The following SLC24A2 variants were observed in gnomAD, a reference collection of about 807,000 sequenced individuals.
The protein encoded by SLC24A2 is sodium/potassium/calcium exchanger 2.
SLC24A2 carries 36 observed loss-of-function variants against 62.0 expected under a neutral mutation model. That is an observed-to-expected ratio of 0.58 (90% CI 0.44 to 0.77). The LOEUF (loss-of-function observed/expected upper bound fraction) is 0.77. Among genes scored for constraint, SLC24A2 ranks in the 30% least tolerant of loss-of-function variants. The pLI is 0.00. For synonymous variants in SLC24A2, 358 were observed against 294.0 expected, an observed-to-expected ratio of 1.22 and a Z score of -2.23; for missense variants, 846 against 817.9, an observed-to-expected ratio of 1.03 and a Z score of -0.42.
chr9:19,934,569 C>T, the SLC24A2 span, among the ~76,000 whole-genome samples: 4 of 152,216 alleles, frequency 2.6e-5, no homozygotes, highest in Non-Finnish European at 5.9e-5. The surrounding 1 kb of genome is among the most constrained non-coding windows in gnomAD (Gnocchi z 4.1). Context: ...GCCTCCTGCG[C>T]TGCCTGCCAG....
the SLC24A2 span, among the ~76,000 whole-genome samples, chr9:19,903,464 A>T: frequency 1.3e-5 from 2 of 152,200 alleles, no homozygotes; most frequent in Non-Finnish European, 2.9e-5. Context: ...TTGGGGATTA[A>T]GGCTTTGGAA....
At chr9:20,167,604 C>T in the SLC24A2 span, among the ~76,000 whole-genome samples, 37,019 of 151,926 alleles carry the variant, frequency 0.24, 5,586 homozygotes, top group African/African-American at 0.43. Context: ...GGATCAGTGT[C>T]CCTTGGACAA....
At chr9:19,574,561 C>A (rs1219810574) in intron 6 of SLC24A2, among the ~76,000 whole-genome samples, 1 of 151,022 alleles carries the variant, frequency 6.6e-6, no homozygotes, top group East Asian at 1.9e-4. Context: ...CTACCACTAA[C>A]AACAACAATA....
the SLC24A2 span, among the ~76,000 whole-genome samples, chr9:20,082,946 CTG>C: frequency 6.6e-6 from 1 of 152,234 alleles, no homozygotes; most frequent in African/African-American, 2.4e-5. Context: ...CTGAATTATT[CTG>C]TGTCTCAATA....
At chr9:19,541,984 C>A (rs1834287393) in intron 8 of SLC24A2, among the ~76,000 whole-genome samples, 1 of 152,222 alleles carries the variant, frequency 6.6e-6, no homozygotes. Context: ...TGCCGTCTGT[C>A]ACCCCTTTCT....
the SLC24A2 span, among the ~76,000 whole-genome samples, chr9:20,218,349 T>G: frequency 6.6e-6 from 1 of 152,200 alleles, no homozygotes; most frequent in Non-Finnish European, 1.5e-5. Context: ...ATTAGACTTT[T>G]CTGTTCTAGC....
chr9:19,564,559 T>C (rs1028899719), intron 7 of SLC24A2, among the ~76,000 whole-genome samples: 8 of 152,112 alleles, frequency 5.3e-5, no homozygotes, highest in African/African-American at 1.7e-4. Context: ...TGTCTATCAA[T>C]CAATCACATT....
the SLC24A2 span, among the ~76,000 whole-genome samples, chr9:20,059,610 A>T: frequency 6.6e-6 from 1 of 152,180 alleles, no homozygotes; most frequent in Non-Finnish European, 1.5e-5. Flanking sequence ...TGAAAATGAA[A>T]ACATAGCATA....
At chr9:19,836,894 T>C in the SLC24A2 span, among the ~76,000 whole-genome samples, 1 of 152,216 alleles carries the variant, frequency 6.6e-6, no homozygotes, top group Non-Finnish European at 1.5e-5. Flanking sequence ...TCAAGTGGGC[T>C]TCATCCATGG....
At chr9:19,981,017 A>G in the SLC24A2 span, among the ~76,000 whole-genome samples, 2 of 152,178 alleles carry the variant, frequency 1.3e-5, no homozygotes, top group African/African-American at 4.8e-5. Flanking sequence ...GTTACTCTCA[A>G]TCTCCCCTTT....
chr9:20,032,125 C>G, the SLC24A2 span, among the ~76,000 whole-genome samples: 1 of 152,168 alleles, frequency 6.6e-6, no homozygotes, highest in African/African-American at 2.4e-5. Context: ...TCTATCTTAT[C>G]AGGTTCTTCA....
chr9:20,141,736 C>G, the SLC24A2 span, among the ~76,000 whole-genome samples: 6 of 151,954 alleles, frequency 3.9e-5, no homozygotes, highest in Middle Eastern at 3.2e-3. Context: ...TCAAGCCCTT[C>G]CATCACCCCA....
chr9:19,529,371 C>T (rs981006576), intron 8 of SLC24A2, among the ~76,000 whole-genome samples: 15 of 152,142 alleles, frequency 9.9e-5, no homozygotes, highest in African/African-American at 3.4e-4. Context: ...TAATGATGAA[C>T]ACAGTCTCTA....
the SLC24A2 span, among the ~76,000 whole-genome samples, chr9:19,868,038 T>G: frequency 6.6e-6 from 1 of 151,980 alleles, no homozygotes; most frequent in East Asian, 1.9e-4. Flanking sequence ...GTTTTGGGTT[T>G]ATTGTGCTCT....
intron 9 of SLC24A2, among the ~76,000 whole-genome samples, chr9:19,526,929 C>A (rs899871481): frequency 6.6e-5 from 10 of 152,106 alleles, no homozygotes; most frequent in Non-Finnish European, 1.3e-4. Context: ...GGCTTATGGT[C>A]ATACAGATTT....
intron 2 of SLC24A2, among the ~76,000 whole-genome samples, chr9:19,692,532 A>G (rs1247126891): frequency 6.6e-6 from 1 of 152,162 alleles, no homozygotes; most frequent in South Asian, 2.1e-4. Context: ...GCCAGCAGTA[A>G]AACATGAAAC....
the SLC24A2 span, among the ~76,000 whole-genome samples, chr9:20,267,487 C>T: frequency 2.6e-5 from 4 of 152,162 alleles, no homozygotes; most frequent in African/African-American, 9.7e-5. Flanking sequence ...TCCTGTCAGG[C>T]TCTTTGGTGG....
rs148630735 is a variant in SLC24A2 at position 19,573,892 on chromosome 9, T to C, written c.1229-423A>G. On this transcript the variant is annotated intron_variant, in intron 6 of 10. Transcript: ENST00000341998. ...AAACCAAAACCACACGCAATCTACATACTATTGTTTACACCCTGGACTGTA... is the reference window on the plus strand; with the variant it reads ...AAACCAAAACCACACGCAATCTACACACTATTGTTTACACCCTGGACTGTA... Among the ~76,000 whole-genome samples, 11 of 152,252 alleles carry C rather than the reference T, an allele frequency of 7.2e-5. No homozygotes were observed. In the South Asian group the frequency reaches 2.3e-3, roughly 32 times the overall value.
intron 2 of SLC24A2, among the ~76,000 whole-genome samples, chr9:19,636,315 T>TTTTC (rs72137164): frequency 2.4e-3 from 97 of 40,172 alleles, no homozygotes; most frequent in Admixed American, 5.7e-3. Context: ...TTTTCTTTTC[T>TTTTC]TTTCTTTCTT....
Sources: allele counts gnomAD v4.1 joint callset (sites outside exome capture counted in the v4.1 genomes callset), GRCh38; gene constraint gnomAD v4.1.1; non-coding constraint Gnocchi (gnomAD v3.1); transcripts MANE v1.5; gene names NCBI Gene and HGNC (gene_info 2026-07-23, HGNC 2026-07-21).